LDAH: variants seen among roughly 807,000 people sequenced by gnomAD.
LDAH encodes the protein lipid droplet associated hydrolase.
LDAH carries 26 observed loss-of-function variants against 29.6 expected under a neutral mutation model. That is an observed-to-expected ratio of 0.88 (90% CI 0.64 to 1.22). The LOEUF is 1.22. Ranked by LOEUF, LDAH falls within the 50% of genes most tolerant of loss-of-function variation. LDAH has a pLI of 0.00. For synonymous variants in LDAH, 117 were observed against 133.0 expected (o/e 0.88, Z 0.83); for missense variants, 344 against 387.3 (o/e 0.89, Z 0.94).
At chr2:20,699,614 T>G (rs1663766880) in intron 6 of LDAH, among the ~76,000 whole-genome samples, 1 of 152,204 alleles carries the variant, frequency 6.6e-6, no homozygotes, top group Non-Finnish European at 1.5e-5. Flanking sequence ...TTTGCATGAT[T>G]AAATGAAACA....
At chr2:20,805,273 T>C (rs1671984828) in intron 1 of LDAH, among the ~76,000 whole-genome samples, 1 of 152,036 alleles carries the variant, frequency 6.6e-6, no homozygotes, top group African/African-American at 2.4e-5. Flanking sequence ...TCAAATAAAA[T>C]AAGCTGAGAA....
At chr2:20,783,490 A>C (rs115977162) in intron 3 of LDAH, among the ~76,000 whole-genome samples, 2,881 of 152,230 alleles carry the variant, frequency 0.019, 40 homozygotes, top group East Asian at 0.035. Flanking sequence ...ATATTTGTTA[A>C]GGATTGTTAT....
At chr2:20,752,282 T>C (rs748397106) in intron 4 of LDAH, among the ~76,000 whole-genome samples, 1 of 151,910 alleles carries the variant, frequency 6.6e-6, no homozygotes, top group East Asian at 1.9e-4. Flanking sequence ...ACTGAAAGCA[T>C]AGAGATAAAC....
intron 5 of LDAH, among the ~76,000 whole-genome samples, chr2:20,703,283 C>A (rs1451497858): frequency 2.0e-5 from 3 of 152,208 alleles, no homozygotes; most frequent in Admixed American, 1.3e-4. Context: ...ATTTCTAGAC[C>A]CGTTTCCTAG....
At chr2:20,738,385 A>C (rs1666950607) in intron 5 of LDAH, among the ~76,000 whole-genome samples, 1 of 147,744 alleles carries the variant, frequency 6.8e-6, no homozygotes, top group South Asian at 2.1e-4. Context: ...TAAGCATTGT[A>C]CCTAGGGTGG....
chr2:20,765,960 C>CA (rs1289765663), intron 4 of LDAH, among the ~76,000 whole-genome samples: 7 of 152,102 alleles, frequency 4.6e-5, no homozygotes, highest in South Asian at 2.1e-4. Flanking sequence ...AGAGGAATGA[C>CA]AAAAAAATCT....
chr2:20,716,217 C>G (rs971224433), intron 5 of LDAH, among the ~76,000 whole-genome samples: 3 of 152,050 alleles, frequency 2.0e-5, no homozygotes, highest in South Asian at 2.1e-4. Context: ...TCCAGCGATC[C>G]CATTACTGGG....
intron 1 of LDAH, among the ~76,000 whole-genome samples, chr2:20,809,726 C>T (rs1019150182): frequency 1.3e-5 from 2 of 151,954 alleles, no homozygotes; most frequent in Admixed American, 6.6e-5. Flanking sequence ...AGACTATCAG[C>T]GAATAAACAT....
chr2:20,700,867 C>T (rs967911947), intron 6 of LDAH, among the ~76,000 whole-genome samples: 6 of 152,182 alleles, frequency 3.9e-5, no homozygotes, highest in Admixed American at 3.9e-4. Flanking sequence ...GTGTTTTACA[C>T]TTATGGCACA....
At chr2:20,761,065 T>A (rs889820705) in intron 4 of LDAH, among the ~76,000 whole-genome samples, 1 of 152,192 alleles carries the variant, frequency 6.6e-6, no homozygotes, top group Admixed American at 6.5e-5. Flanking sequence ...TTCTATCTTA[T>A]AGAAGCTGAA....
intron 5 of LDAH, among the ~76,000 whole-genome samples, chr2:20,734,783 T>C (rs1489887364): frequency 6.6e-6 from 1 of 152,242 alleles, no homozygotes; most frequent in Non-Finnish European, 1.5e-5. Flanking sequence ...TCCTCTCTGT[T>C]GAGAGAACTT....
At chr2:20,726,408 A>G (rs933491762) in intron 5 of LDAH, among the ~76,000 whole-genome samples, 4 of 152,220 alleles carry the variant, frequency 2.6e-5, no homozygotes, top group African/African-American at 9.6e-5. Flanking sequence ...CTGCAAGACT[A>G]GAAGATTCTG....
At chr2:20,763,858 T>C (rs1463972620) in intron 4 of LDAH, among the ~76,000 whole-genome samples, 1 of 152,232 alleles carries the variant, frequency 6.6e-6, no homozygotes, top group African/African-American at 2.4e-5. Flanking sequence ...AGTATTAACA[T>C]GCATGAAGAA....
chr2:20,757,816 A>T (rs1668435073), intron 4 of LDAH, among the ~76,000 whole-genome samples: 1 of 152,142 alleles, frequency 6.6e-6, no homozygotes, highest in Non-Finnish European at 1.5e-5. Flanking sequence ...CTTCAGACTC[A>T]AAATGAAACA....
chr2:20,685,495 T>C lies in LDAH; in HGVS notation c.*1408A>G. 1 of 1,538,302 alleles carries C rather than the reference T, an allele frequency of 6.5e-7. No individual in the cohort carries two copies. The highest frequency in any genetic ancestry group is 2.5e-5 in the East Asian group (1 of 40,814). ...TGGCTTTTCCCCTCTGAGAAGTCACTTGCTGTGATGTAGAAGCTATGCCAA... is the reference window on the plus strand; with the variant it reads ...TGGCTTTTCCCCTCTGAGAAGTCACCTGCTGTGATGTAGAAGCTATGCCAA... On this transcript the variant is annotated 3_prime_UTR_variant, in exon 7 of 7. Coordinates refer to ENST00000237822, the MANE Select transcript of LDAH (RefSeq NM_021925.4).
intron 1 of LDAH, among the ~76,000 whole-genome samples, chr2:20,808,210 T>G (rs1672210548): frequency 6.6e-6 from 1 of 152,216 alleles, no homozygotes. Flanking sequence ...GGGGACAAAC[T>G]GTATTCGTGA....
intron 5 of LDAH, among the ~76,000 whole-genome samples, chr2:20,715,676 A>G (rs1398171533): frequency 6.6e-6 from 1 of 152,266 alleles, no homozygotes; most frequent in East Asian, 1.9e-4. Flanking sequence ...AAGCAGCTTC[A>G]GCAAGGTCTC....
intron 1 of LDAH, among the ~76,000 whole-genome samples, chr2:20,810,373 A>G (rs1162235909): frequency 6.6e-6 from 1 of 152,230 alleles, no homozygotes; most frequent in Non-Finnish European, 1.5e-5. Flanking sequence ...TTAAAGTTGT[A>G]TCACCTTTTA....
rs201735261 is a variant in LDAH at position 20,710,608 on chromosome 2, A to G, written c.704-8956T>C. Among the ~76,000 whole-genome samples, 445 of 79,468 alleles carry G rather than the reference A, an allele frequency of 5.6e-3. 1 individual carries two copies. The highest frequency in any genetic ancestry group is 9.1e-3 in the East Asian group (26 of 2,844). 52.1% of individuals were successfully genotyped at this position (79,468 alleles called of 152,430 possible). On this transcript the variant is annotated intron_variant, in intron 5 of 6. Transcript: ENST00000237822. ...GGGGTGTGTGTGTGTGTGTGTGTGTATATATATATATAGATATATATATAT... is the reference window on the plus strand; with the variant it reads ...GGGGTGTGTGTGTGTGTGTGTGTGTGTATATATATATAGATATATATATAT...
Sources: gnomAD v4.1 joint callset for allele counts (sites outside exome capture counted in the v4.1 genomes callset) on GRCh38, gnomAD v4.1.1 for gene constraint, MANE v1.5 for transcripts, NCBI Gene and HGNC (gene_info 2026-07-23, HGNC 2026-07-21) for gene names.